Variants in MCTP1 observed in about 807,000 individuals in gnomAD.
The protein encoded by MCTP1 is multiple C2 and transmembrane domain-containing protein 1.
Under a neutral mutation model 120.6 loss-of-function variants are expected in MCTP1, and 69 were observed. The ratio of observed to expected loss-of-function variants is 0.57; its 90% CI spans 0.47 to 0.70. The LOEUF is 0.70. Among genes scored for constraint, MCTP1 ranks in the 30% least tolerant of loss-of-function variants. The pLI is 0.00. For missense variants in MCTP1, 1,203 were observed against 1,248.8 expected, an observed-to-expected ratio of 0.96 and a Z score of 0.55; for synonymous variants, 529 against 493.1, an observed-to-expected ratio of 1.07 and a Z score of -0.96.
intron 1 of MCTP1, among the ~76,000 whole-genome samples, chr5:95,220,246 T>C (rs1012471080): frequency 3.3e-5 from 5 of 152,182 alleles, no homozygotes; most frequent in African/African-American, 1.2e-4. Flanking sequence ...CAAGCACAAC[T>C]TGATTTTCAT....
chr5:94,875,815 C>CCTCTT (rs1798751355), intron 12 of MCTP1, among the ~76,000 whole-genome samples: 4 of 150,736 alleles, frequency 2.7e-5, no homozygotes, highest in Admixed American at 6.6e-5. Context: ...TTTCTAGAAT[C>CCTCTT]TGACAAAGAG....
intron 2 of MCTP1, among the ~76,000 whole-genome samples, chr5:94,977,503 C>T (rs28773309): frequency 0.32 from 48,253 of 151,480 alleles, 7,827 homozygotes; most frequent in South Asian, 0.39. Flanking sequence ...CAGATGACCC[C>T]GAATAGTCAA....
intron 19 of MCTP1, among the ~76,000 whole-genome samples, chr5:94,776,271 C>T (rs1358833858): frequency 3.3e-5 from 5 of 152,200 alleles, no homozygotes; most frequent in South Asian, 4.1e-4. Context: ...CAATGACTTG[C>T]CCTTTCATTG....
rs142766881 is a variant in MCTP1, at chr5:95,087,977, A to G, written c.721-70493T>C. Among the ~76,000 whole-genome samples the G allele has an allele frequency of 5.5e-3, 835 of 152,334 alleles. 9 individuals carry two copies. Among genetic ancestry groups the G allele is most frequent in the African/African-American group, 0.019 (801 of 41,580 alleles). On this transcript the variant is annotated intron_variant, in intron 1 of 22. Coordinates refer to ENST00000515393, the MANE Select transcript of MCTP1 (RefSeq NM_024717.7). ...CAGCCGGGTTAGCGATTTGCTCCCC[A>G]TGTAGTCTGCCTACAGGAGCAAAAT... is the stretch of plus-strand genomic sequence containing the variant.
At chr5:94,783,221 G>C (rs1391714702) in intron 18 of MCTP1, among the ~76,000 whole-genome samples, 1 of 152,086 alleles carries the variant, frequency 6.6e-6, no homozygotes, top group African/African-American at 2.4e-5. Context: ...ATTGCAGCCA[G>C]AGAGTAAGTA....
At chr5:95,152,051 G>C (rs1251804327) in intron 1 of MCTP1, among the ~76,000 whole-genome samples, 1 of 152,190 alleles carries the variant, frequency 6.6e-6, no homozygotes, top group African/African-American at 2.4e-5. Context: ...CGGAAAAAAA[G>C]TTTTGGATTA....
chr5:94,778,494 G>C (rs1223485393), intron 19 of MCTP1, among the ~76,000 whole-genome samples: 2 of 151,998 alleles, frequency 1.3e-5, no homozygotes, highest in Admixed American at 1.3e-4. Context: ...AATCCAAGCA[G>C]TCCCAGAAAC....
chr5:94,704,735 T>A lies in MCTP1; in HGVS notation c.*2761A>T, dbSNP rs1754145771. 6.6e-6 allele frequency: 1 copy of A among 150,992 alleles called. No individual in the cohort carries two copies. The highest frequency in any genetic ancestry group is 2.4e-5 in the African/African-American group (1 of 41,282). 9.4% of individuals were successfully genotyped at this position (150,992 alleles called of 1,614,324 possible). ...TCGATAAATATATCACAGAGTCCTTTTAAGAATCTCCCAACTCAGATTATC... is the reference window on the plus strand; with the variant it reads ...TCGATAAATATATCACAGAGTCCTTATAAGAATCTCCCAACTCAGATTATC... On this transcript the variant is annotated 3_prime_UTR_variant, in exon 23 of 23. Transcript: ENST00000515393.
At chr5:95,017,536 T>TTCTCAAAAGGGGGACCA in intron 1 of MCTP1, 52 bp from the exon 2 acceptor site, 1 of 1,164,154 alleles carries the variant, frequency 8.6e-7, no homozygotes, top group Non-Finnish European at 1.2e-6. Context: ...CTGTTCTATT[T>TTCTCAAAAGGGGGACCA]TCTCTAAAGG....
At chr5:95,211,807 T>C (rs1434028137) in intron 1 of MCTP1, among the ~76,000 whole-genome samples, 1 of 152,226 alleles carries the variant, frequency 6.6e-6, no homozygotes, top group Non-Finnish European at 1.5e-5. Context: ...TTTGTGGTTT[T>C]ATCTACTTTT....
chr5:95,079,133 T>G (rs1385458683), intron 1 of MCTP1, among the ~76,000 whole-genome samples: 6 of 152,056 alleles, frequency 3.9e-5, no homozygotes, highest in Admixed American at 2.6e-4. Flanking sequence ...CAACAAACCA[T>G]CTCCATAGCT....
chr5:94,952,267 C>T (rs1441465548), intron 3 of MCTP1, among the ~76,000 whole-genome samples: 1 of 151,144 alleles, frequency 6.6e-6, no homozygotes, highest in African/African-American at 2.4e-5. Flanking sequence ...CTATTTGCCC[C>T]ATAATGACTT....
chr5:95,250,810 G>A (rs1336588099), intron 1 of MCTP1, among the ~76,000 whole-genome samples: 2 of 152,024 alleles, frequency 1.3e-5, no homozygotes, highest in Non-Finnish European at 2.9e-5. Context: ...TTTTTAAAGT[G>A]CATAAATATG....
At chr5:94,814,363 A>G (rs374485407) in intron 17 of MCTP1, among the ~76,000 whole-genome samples, 2 of 152,186 alleles carry the variant, frequency 1.3e-5, no homozygotes, top group Non-Finnish European at 2.9e-5. Context: ...AACACTTCCA[A>G]AATATTTTAA....
chr5:95,252,379 G>A (rs1344540572), intron 1 of MCTP1, among the ~76,000 whole-genome samples: 1 of 152,072 alleles, frequency 6.6e-6, no homozygotes, highest in Non-Finnish European at 1.5e-5. Context: ...TCAAAAAGAT[G>A]GTTCTCTGTT....
rs372421704 is a variant in MCTP1 at position 95,184,168 on chromosome 5, A to T, written c.720+99688T>A. 3.7e-4 allele frequency among the ~76,000 whole-genome samples: 56 copies of T among 152,240 alleles called. No homozygotes were observed. The East Asian group carries it at 7.1e-3, about 19-fold the overall frequency. ...TCTTAAAGTATAATAATAATAATAA[A>T]AAAAGGAGTTTGGCACTTTTTAAAT... On this transcript the variant is annotated intron_variant, in intron 1 of 22. Transcript: ENST00000515393.
chr5:94,890,298 T>C (rs1200680198), intron 11 of MCTP1, among the ~76,000 whole-genome samples: 2 of 152,178 alleles, frequency 1.3e-5, no homozygotes, highest in Non-Finnish European at 2.9e-5. Context: ...AACCACCACT[T>C]TCAGCCTAAT....
intron 1 of MCTP1, among the ~76,000 whole-genome samples, chr5:95,129,602 T>C (rs989880356): frequency 1.3e-5 from 2 of 152,192 alleles, no homozygotes; most frequent in African/African-American, 4.8e-5. Flanking sequence ...AAGATCAATG[T>C]AGACAGATTT....
At chr5:94,959,252 G>A (rs1214805650) in intron 2 of MCTP1, among the ~76,000 whole-genome samples, 1 of 151,958 alleles carries the variant, frequency 6.6e-6, no homozygotes, top group East Asian at 1.9e-4. Flanking sequence ...AATAAACCAG[G>A]TATTGATGGA....
Sources: allele counts gnomAD v4.1 joint callset (sites outside exome capture counted in the v4.1 genomes callset), GRCh38; gene constraint gnomAD v4.1.1; transcripts MANE v1.5; gene names NCBI Gene and HGNC (gene_info 2026-07-23, HGNC 2026-07-21).